Variants in CCDC169 observed in about 807,000 individuals in gnomAD.
The protein encoded by CCDC169 is coiled-coil domain-containing protein 169.
Under a neutral mutation model 36.0 loss-of-function variants are expected in CCDC169, and 30 were observed. That is an observed-to-expected ratio of 0.83 (90% CI 0.62 to 1.13). The LOEUF (loss-of-function observed/expected upper bound fraction) is 1.13, where lower values mean the gene tolerates loss of function less well. Ranked by LOEUF, CCDC169 falls within the 50% of genes most tolerant of loss-of-function variation. CCDC169 has a pLI of 0.00. For missense variants in CCDC169, 245 were observed against 245.9 expected (o/e 1.00, Z 0.03); for synonymous variants, 85 against 81.5 (o/e 1.04, Z -0.23).
intron 6 of CCDC169, among the ~76,000 whole-genome samples, chr13:36,250,708 G>A (rs1031152154): frequency 5.3e-5 from 8 of 152,046 alleles, no homozygotes; most frequent in African/African-American, 1.9e-4. Context: ...AAAAACCTAT[G>A]GGAAGACTGA....
chr13:36,286,798 G>A (rs1002271381), intron 2 of CCDC169, among the ~76,000 whole-genome samples: 5 of 152,114 alleles, frequency 3.3e-5, no homozygotes, highest in African/African-American at 1.2e-4. Flanking sequence ...CTAGGGTGCT[G>A]AGGCTCTCCC....
At chr13:36,290,609 CT>C (rs1390455790) in intron 2 of CCDC169, among the ~76,000 whole-genome samples, 1 of 152,084 alleles carries the variant, frequency 6.6e-6, no homozygotes, top group Non-Finnish European at 1.5e-5. Flanking sequence ...ACACAGATGC[CT>C]AAACAGCTGA....
chr13:36,284,657 C>G (rs963279234), intron 2 of CCDC169, among the ~76,000 whole-genome samples: 1 of 152,158 alleles, frequency 6.6e-6, no homozygotes, highest in Non-Finnish European at 1.5e-5. Flanking sequence ...ATTAAAAGGT[C>G]TTTGTTCAGA....
chr13:36,230,701 A>C (rs1268168334), downstream of CCDC169: 2 of 931,368 alleles, frequency 2.1e-6, no homozygotes, highest in South Asian at 5.0e-5. Flanking sequence ...ACTACAAACA[A>C]GTTTATTTAA....
At chr13:36,232,357 C>T (rs745589084) in intron 7 of CCDC169, among the ~76,000 whole-genome samples, 1 of 152,170 alleles carries the variant, frequency 6.6e-6, no homozygotes, top group Non-Finnish European at 1.5e-5. Flanking sequence ...TTTGACCTGA[C>T]ATGGAGATGG....
chr13:36,273,815 G>A (rs1876419987), intron 4 of CCDC169, among the ~76,000 whole-genome samples: 3 of 152,116 alleles, frequency 2.0e-5, no homozygotes, highest in Admixed American at 1.3e-4. Flanking sequence ...TAGCAGTTGT[G>A]GTCTTCGTGC....
chr13:36,253,722 C>CA, intron 6 of CCDC169, 81 bp downstream of exon 6: 1 of 1,488,458 alleles, frequency 6.7e-7, no homozygotes. Context: ...TCTCCCAAAC[C>CA]AAAAACAAAA....
chr13:36,238,134 T>C (rs942213641), intron 7 of CCDC169, among the ~76,000 whole-genome samples: 6 of 151,912 alleles, frequency 3.9e-5, no homozygotes, highest in Non-Finnish European at 8.8e-5. Context: ...TGGAAGGGGG[T>C]TTGGGAACTA....
intron 7 of CCDC169, among the ~76,000 whole-genome samples, chr13:36,236,029 A>G (rs1363284102): frequency 1.3e-5 from 2 of 152,004 alleles, no homozygotes; most frequent in African/African-American, 2.4e-5. Flanking sequence ...AAAGAAATTC[A>G]TGTTCTTGGA....
chr13:36,243,761 G>A (rs922603357), intron 7 of CCDC169, among the ~76,000 whole-genome samples: 2 of 152,086 alleles, frequency 1.3e-5, no homozygotes, highest in Non-Finnish European at 2.9e-5. Flanking sequence ...AGCCAAGATC[G>A]CGCCATGGCA....
intron 7 of CCDC169, among the ~76,000 whole-genome samples, chr13:36,242,686 CAACATTAAGTTTCATCAGA>C (rs957775407): frequency 2.6e-5 from 4 of 151,998 alleles, no homozygotes; most frequent in African/African-American, 9.7e-5. Context: ...GCACTCTATT[CAACATTAAGTTTCATCAGA>C]GATGGAAGTG....
chr13:36,268,111 GAACAAATGCACTT>G (rs1457699070), intron 4 of CCDC169, among the ~76,000 whole-genome samples: 2 of 152,058 alleles, frequency 1.3e-5, no homozygotes, highest in East Asian at 3.9e-4. Context: ...TGACACTCCA[GAACAAATGCACTT>G]AACAGATATT....
intron 4 of CCDC169, among the ~76,000 whole-genome samples, chr13:36,265,282 T>C (rs548147645): frequency 6.6e-6 from 1 of 152,346 alleles, no homozygotes; most frequent in East Asian, 1.9e-4. Flanking sequence ...ATCACCATTT[T>C]CTTGTTGTGA....
intron 2 of CCDC169, among the ~76,000 whole-genome samples, chr13:36,289,248 C>T (rs951081170): frequency 4.6e-5 from 7 of 152,142 alleles, no homozygotes; most frequent in Non-Finnish European, 8.8e-5. Context: ...TTTTTCTCCC[C>T]CTGAGAAGGT....
chr13:36,254,275 CTTTTT>C, intron 4 of CCDC169, 132 bp from the exon 5 acceptor site: 14 of 364,644 alleles, frequency 3.8e-5, no homozygotes, highest in East Asian at 6.0e-5. Flanking sequence ...ATGATATGTA[CTTTTT>C]TTTTTTTTTT....
intron 4 of CCDC169, among the ~76,000 whole-genome samples, chr13:36,254,574 G>A (rs572646951): frequency 1.3e-5 from 2 of 152,164 alleles, no homozygotes; most frequent in East Asian, 3.9e-4. Context: ...ACTGCACCGG[G>A]CTAATGTGTA....
intron 6 of CCDC169, among the ~76,000 whole-genome samples, chr13:36,251,646 G>T (rs899910752): frequency 6.6e-6 from 1 of 152,074 alleles, no homozygotes; most frequent in African/African-American, 2.4e-5. Flanking sequence ...TTTATGTTCA[G>T]TTCAGTAAAT....
At chr13:36,278,653 T>G (rs1877138170) in intron 4 of CCDC169, among the ~76,000 whole-genome samples, 1 of 152,096 alleles carries the variant, frequency 6.6e-6, no homozygotes, top group African/African-American at 2.4e-5. Flanking sequence ...ATATTTTTCC[T>G]TCTCAATAAT....
chr13:36,275,095 A>C (rs1876611432), intron 4 of CCDC169, among the ~76,000 whole-genome samples: 1 of 151,844 alleles, frequency 6.6e-6, no homozygotes, highest in Non-Finnish European at 1.5e-5. Flanking sequence ...GTCTCGATCT[A>C]TGACCTCGTG....
Sources: gnomAD v4.1 joint callset for allele counts (sites outside exome capture counted in the v4.1 genomes callset) on GRCh38, gnomAD v4.1.1 for gene constraint, MANE v1.5 for transcripts, NCBI Gene and HGNC (gene_info 2026-07-23, HGNC 2026-07-21) for gene names.